Variants in CIB4 observed in about 807,000 individuals in gnomAD.
CIB4 encodes the protein calcium and integrin-binding family member 4.
Under a neutral mutation model 25.8 loss-of-function variants are expected in CIB4, and 25 were observed. The ratio of observed to expected loss-of-function variants is 0.97; its 90% CI spans 0.71 to 1.35. The LOEUF is 1.35. Ranked by LOEUF, CIB4 falls within the 40% of genes most tolerant of loss-of-function variation. CIB4 has a pLI of 0.00. For synonymous variants in CIB4, 75 were observed against 81.4 expected (o/e 0.92, Z 0.42); for missense variants, 235 against 228.2 (o/e 1.03, Z -0.19).
chr2:26,582,254 G>A (rs546313757), intron 6 of CIB4, among the ~76,000 whole-genome samples: 29 of 152,308 alleles, frequency 1.9e-4, no homozygotes, highest in East Asian at 7.7e-4. Context: ...TCCATGGCAC[G>A]CGCTGCCTCC....
chr2:26,623,411 T>C, intron 3 of CIB4: 1 of 398,388 alleles, frequency 2.5e-6, no homozygotes, highest in Non-Finnish European at 5.4e-6. Context: ...CCACCCCACC[T>C]ACTTTTAGGA....
chr2:26,638,823 G>T (rs1413840300), intron 2 of CIB4, among the ~76,000 whole-genome samples: 1 of 152,066 alleles, frequency 6.6e-6, no homozygotes, highest in East Asian at 1.9e-4. Context: ...GTGGTGGCAG[G>T]CACCTGTAGT....
chr2:26,640,456 T>G, intron 2 of CIB4, 77 bp downstream of exon 2: 38 of 1,470,674 alleles, frequency 2.6e-5, no homozygotes, highest in Non-Finnish European at 3.3e-5. Flanking sequence ...GGGACCAGCG[T>G]GAGGCTGTAT....
intron 4 of CIB4, among the ~76,000 whole-genome samples, chr2:26,593,445 C>A (rs1148959): frequency 0.99 from 150,303 of 152,234 alleles, 74,227 homozygotes; most frequent in Middle Eastern, 1. Flanking sequence ...CTATATATAC[C>A]CACACATACA....
intron 4 of CIB4, among the ~76,000 whole-genome samples, chr2:26,589,269 C>T (rs1668541337): frequency 6.7e-6 from 1 of 149,368 alleles, no homozygotes; most frequent in Non-Finnish European, 1.5e-5. Context: ...TCTCCTTCCT[C>T]CTCCTCCTTC....
At chr2:26,588,398 G>A (rs771181274) in intron 4 of CIB4, among the ~76,000 whole-genome samples, 2 of 152,312 alleles carry the variant, frequency 1.3e-5, no homozygotes, top group South Asian at 2.1e-4. Flanking sequence ...CCGGGAGGCT[G>A]ACCAGCCCAG....
Position 26,641,331 on chromosome 2 carries a change from T to A in CIB4, c.-17A>T. 6.2e-7 allele frequency: 1 copy of A among 1,612,168 alleles called. No individual in the cohort carries two copies. The highest frequency in any genetic ancestry group is 8.5e-7 in the Non-Finnish European group (1 of 1,178,280). Reference sequence around the variant, plus strand: ...TTGCCCCATGCCAACCACACCTTTCTGTCTGCCAGCAGTAGAACCTCAGCC... The same window carrying A: ...TTGCCCCATGCCAACCACACCTTTCAGTCTGCCAGCAGTAGAACCTCAGCC... On this transcript the variant is annotated 5_prime_UTR_variant, in exon 1 of 7. Transcript: ENST00000288861.
rs1668399400 is a variant in CIB4, at chr2:26,583,843, T to C, written c.384A>G (p.Arg128=). 1 of 1,613,474 alleles carries C rather than the reference T, an allele frequency of 6.2e-7. No individual in the cohort carries two copies. The highest frequency in any genetic ancestry group is 1.1e-5 in the South Asian group (1 of 91,054). Residue 128 remains arginine (R), a synonymous_variant, in exon 5 of 7, where the codon CGA becomes CGG. Transcript: ENST00000288861. ...DEEDLQRIIL[R]LLNSDDMSED... ...CAGACATGTCATCACTGTTCAGCAG[T>C]CGCAGGATGATCCTCTGCAGATCCT... is the stretch of plus-strand genomic sequence containing the variant.
At chr2:26,606,319 A>G (rs934913975) in intron 3 of CIB4, among the ~76,000 whole-genome samples, 4 of 152,336 alleles carry the variant, frequency 2.6e-5, no homozygotes, top group East Asian at 1.9e-4. Context: ...GAGCTAGGAC[A>G]GGACAGTGAG....
intron 3 of CIB4, among the ~76,000 whole-genome samples, chr2:26,601,658 A>C (rs1267900707): frequency 2.0e-5 from 3 of 152,186 alleles, no homozygotes; most frequent in African/African-American, 4.8e-5. Context: ...GAGAAGACTC[A>C]TAAATTGGAG....
intron 3 of CIB4, among the ~76,000 whole-genome samples, chr2:26,602,362 T>G (rs1008113367): frequency 1.6e-4 from 24 of 151,920 alleles, no homozygotes; most frequent in African/African-American, 5.3e-4. Context: ...TTCTAGGGAG[T>G]GTATTCTAGG....
chr2:26,623,715 G>A, intron 3 of CIB4: 1 of 351,866 alleles, frequency 2.8e-6, no homozygotes. Context: ...AGGAAGCCCG[G>A]AGCAGGAGGA....
At position 26,582,835 on chromosome 2, in the gene CIB4, C is replaced by T. The variant is rs1473913344; in HGVS notation, c.517G>A (p.Asp173Asn). 6.2e-6 allele frequency: 10 copies of T among 1,611,440 alleles called. No homozygotes were observed. The South Asian group carries it at 1.1e-4, about 18-fold the overall frequency. ...EFEHAMAKSP[D>N]FMNSFRIHFW... is the part of the protein sequence containing the mutation. ...TCCAGAATGCCTTACTTCATGAAATCTGGAGACTTGGCCATTGCATGTTCA... is the reference window on the plus strand; with the variant it reads ...TCCAGAATGCCTTACTTCATGAAATTTGGAGACTTGGCCATTGCATGTTCA... Residue 173 changes from aspartate to asparagine, a missense_variant, in exon 6 of 7, where the codon GAT (aspartate) becomes AAT (asparagine). Coordinates refer to ENST00000288861, the MANE Select transcript of CIB4 (RefSeq NM_001029881.3).
intron 3 of CIB4, among the ~76,000 whole-genome samples, chr2:26,596,628 T>G (rs1195981763): frequency 1.3e-5 from 2 of 151,696 alleles, no homozygotes; most frequent in Non-Finnish European, 2.9e-5. Context: ...ATGCCTGTAA[T>G]CCCAGCTACT....
chr2:26,624,880 A>G (rs1165104069), intron 3 of CIB4, among the ~76,000 whole-genome samples: 2 of 152,054 alleles, frequency 1.3e-5, no homozygotes, highest in Admixed American at 1.3e-4. Context: ...CATTATAGTC[A>G]ATAATAATTG....
At chr2:26,589,077 C>T (rs1227382916) in intron 4 of CIB4, among the ~76,000 whole-genome samples, 1 of 64,334 alleles carries the variant, frequency 1.6e-5, no homozygotes, top group Non-Finnish European at 2.9e-5. Context: ...TCTTCCTCTT[C>T]TTCTTCTTCT....
chr2:26,614,945 G>GA (rs559268091), intron 3 of CIB4, among the ~76,000 whole-genome samples: 93 of 152,308 alleles, frequency 6.1e-4, no homozygotes, highest in African/African-American at 2.2e-3. Flanking sequence ...GAGAAGTCAC[G>GA]AATCATTGAC....
intron 3 of CIB4, among the ~76,000 whole-genome samples, chr2:26,625,462 C>T (rs1669285465): frequency 6.6e-6 from 1 of 151,832 alleles, no homozygotes; most frequent in Admixed American, 6.6e-5. Context: ...AAGCGATTCT[C>T]CTGCCTCCGC....
chr2:26,608,106 C>T (rs950176134), intron 3 of CIB4, among the ~76,000 whole-genome samples: 1 of 152,150 alleles, frequency 6.6e-6, no homozygotes, highest in African/African-American at 2.4e-5. Context: ...AGCTTGGTGG[C>T]GCATGCCTGT....
Sources: allele counts gnomAD v4.1 joint callset (sites outside exome capture counted in the v4.1 genomes callset), GRCh38; gene constraint gnomAD v4.1.1; transcripts MANE v1.5; gene names NCBI Gene and HGNC (gene_info 2026-07-23, HGNC 2026-07-21).